Variants in BCAM observed in about 807,000 individuals in gnomAD.
The protein encoded by BCAM is basal cell adhesion molecule (Lutheran blood group), also known as basal cell adhesion molecule.
A neutral mutation model predicts 72.4 loss-of-function variants in BCAM; 61 were observed. The ratio of observed to expected loss-of-function variants is 0.84; its 90% confidence interval spans 0.69 to 1.04. The LOEUF (loss-of-function observed/expected upper bound fraction) is 1.04. BCAM is among the 50% of genes least tolerant of loss of function. The pLI is 0.00. For synonymous variants in BCAM, 408 were observed against 384.2 expected (o/e 1.06, Z -0.73); for missense variants, 909 against 895.0 (o/e 1.02, Z -0.20).
chr19:44,816,227 T>C (rs545798188), intron 8 of BCAM, among the ~76,000 whole-genome samples: 12 of 151,788 alleles, frequency 7.9e-5, no homozygotes, highest in African/African-American at 2.9e-4. Context: ...GGAGAATCGC[T>C]TGAACCCAGG....
In BCAM at chr19:44,814,813, C is replaced by T. The variant is rs139012083; in HGVS notation, c.1078+53C>T. ...AGGAGGGGCCCTGGCATCAGTGCCT[C>T]TGCGCCCTCCTCCCTACAGCCCTGA... On this transcript the variant is annotated intron_variant, in intron 8 of 14. Coordinates refer to ENST00000270233, the MANE Select transcript of BCAM (RefSeq NM_005581.5). The surrounding 1 kb of genome is among the most constrained non-coding windows in gnomAD (Gnocchi z 4.6). 6.4e-7 allele frequency: 1 copy of T among 1,552,382 alleles called. No homozygotes were observed. The highest frequency in any genetic ancestry group is 8.7e-7 in the Non-Finnish European group (1 of 1,149,668).
intron 13 of BCAM, 147 bp downstream of exon 13, chr19:44,819,873 C>T: frequency 7.1e-7 from 1 of 1,417,340 alleles, no homozygotes; most frequent in Non-Finnish European, 9.2e-7. Flanking sequence ...ATCCTCATCC[C>T]CAACTACAGC....
chr19:44,819,257 C>T lies in BCAM; in HGVS notation c.1473+65C>T, dbSNP rs1968545563. On this transcript the variant is annotated intron_variant, in intron 11 of 14. Coordinates refer to ENST00000270233, the MANE Select transcript of BCAM (RefSeq NM_005581.5). ...CATCCAAGTATCACACCCTCCTTTC[C>T]ACTTCCTGGGAGACTGGACGTCGTT... 7 of 1,610,686 alleles carry T rather than the reference C, an allele frequency of 4.3e-6. No homozygotes were observed. In the Admixed American group the frequency reaches 8.3e-5, roughly 19 times the overall value.
intron 8 of BCAM, among the ~76,000 whole-genome samples, chr19:44,816,643 G>A (rs1341581435): frequency 6.6e-6 from 1 of 152,050 alleles, no homozygotes; most frequent in Non-Finnish European, 1.5e-5. Flanking sequence ...GTGAGACTCA[G>A]AAAAGCAGAC....
intron 13 of BCAM, 88 bp from the exon 14 acceptor site, chr19:44,820,617 C>T: frequency 1.5e-6 from 2 of 1,346,678 alleles, no homozygotes; most frequent in Non-Finnish European, 1.9e-6. Context: ...CAGCCGCATC[C>T]TAGTCCCACC....
intron 13 of BCAM, chr19:44,820,372 T>A (rs1296716114): frequency 5.4e-5 from 59 of 1,087,048 alleles, no homozygotes; most frequent in Non-Finnish European, 6.3e-5. Flanking sequence ...CCCCTAAGCC[T>A]CCCCAAGCTC....
intron 13 of BCAM, chr19:44,820,040 C>T: frequency 8.0e-7 from 1 of 1,247,514 alleles, no homozygotes; most frequent in South Asian, 2.7e-5. Flanking sequence ...CCTAGCTCAG[C>T]CTCATCCCCA....
Position 44,820,797 on chromosome 19 carries a change from G to C in BCAM, c.1856G>C (p.Gly619Ala), listed in dbSNP as rs752711408. ...GGAGGTGCCTCCGGAGGAGCCAGGG[G>C]TGGCAGCGGGGGCTTCGGAGACGAG... ...LMGGASGGARGGSGGFGDEC is the reference protein window; with the variant it reads ...LMGGASGGARAGSGGFGDEC Residue 619 changes from glycine (G) to alanine (A), a missense_variant, in exon 14 of 15, where the codon GGT becomes GCT. Coordinates refer to ENST00000270233, the MANE Select transcript of BCAM (RefSeq NM_005581.5). 1.3e-6 allele frequency: 2 copies of C among 1,511,250 alleles called. No individual in the cohort carries two copies. The highest frequency in any genetic ancestry group is 4.4e-5 in the Admixed American group (2 of 45,172). 93.6% of individuals were successfully genotyped at this position (1,511,250 alleles called of 1,614,324 possible). A position where few individuals can be genotyped will look rare whatever the true frequency, so the allele number is the denominator to read the frequency against.
Position 44,821,028 on chromosome 19 carries a change from C to T in BCAM, c.*107C>T, listed in dbSNP as rs1162871211. 1.5e-6 allele frequency: 2 copies of T among 1,349,226 alleles called. No individual in the cohort carries two copies. Among genetic ancestry groups the T allele is most frequent in the Non-Finnish European group, 1.9e-6 (2 of 1,031,466 alleles). 83.6% of individuals were successfully genotyped at this position (1,349,226 alleles called of 1,614,324 possible). A position where few individuals can be genotyped will look rare whatever the true frequency, so the allele number is the denominator to read the frequency against. On this transcript the variant is annotated 3_prime_UTR_variant, in exon 15 of 15. Transcript: ENST00000270233. ...CCGCCTTCCCTCTTCCCTCTTCCCT[C>T]TCCCTGCCCAGCCCTCCCTTCCTTC... is the stretch of plus-strand genomic sequence containing the variant.
rs1463480550 is a variant in BCAM, at chr19:44,812,184, C to T, written c.226C>T (p.Pro76Ser). The T allele has an allele frequency of 6.2e-7, 1 of 1,601,828 alleles. No individual in the cohort carries two copies. The change falls in exon 3 of 15, where the codon CCC becomes TCC. Residue 76 changes from proline (P) to serine (S), a missense_variant. Pro to Ser is a moderately conservative substitution (Grantham distance 74, BLOSUM62 -1). Coordinates refer to ENST00000270233, the MANE Select transcript of BCAM (RefSeq NM_005581.5). The surrounding 1 kb of genome is among the most constrained non-coding windows in gnomAD (Gnocchi z 5.3). ...ACAGACCGACCGCTCGGGAGCTCGC[C>T]CCCGCCTAGCCTCGGCTGAGATGCA... ...WFLTDRSGAR[P>S]RLASAEMQGS...
chr19:44,819,872 C>G, intron 13 of BCAM, 146 bp downstream of exon 13: 1 of 1,417,424 alleles, frequency 7.1e-7, no homozygotes, highest in East Asian at 2.5e-5. Context: ...CATCCTCATC[C>G]CCAACTACAG....
In BCAM at chr19:44,820,996, C is replaced by G; in HGVS notation, c.*75C>G. ...GAGAACCAGCCCTGCTCACGCCATGCCCGCCCCCGCCTTCCCTCTTCCCTC... is the reference window on the plus strand; with the variant it reads ...GAGAACCAGCCCTGCTCACGCCATGGCCGCCCCCGCCTTCCCTCTTCCCTC... On this transcript the variant is annotated 3_prime_UTR_variant, in exon 15 of 15. Coordinates refer to ENST00000270233, the MANE Select transcript of BCAM (RefSeq NM_005581.5). 1 of 1,447,152 alleles carries G rather than the reference C, an allele frequency of 6.9e-7. No homozygotes were observed. The allele number at this position is 1,447,152 out of a possible 1,614,324, so 89.6% of individuals were successfully genotyped here.
chr19:44,820,584 A>C (rs950451411), intron 13 of BCAM, 121 bp from the exon 14 acceptor site: 5 of 1,214,432 alleles, frequency 4.1e-6, no homozygotes, highest in Non-Finnish European at 4.1e-6. Flanking sequence ...CACCCAGCAC[A>C]CCCCCATCCT....
At position 44,814,379 on chromosome 19, in the gene BCAM, G is replaced by C; in HGVS notation, c.921+91G>C. ...TGCATAACTTCTAATGTGGGACCTG[G>C]GAGTCCCCATGGCTTAGGCAGCCAC... On this transcript the variant is annotated intron_variant, in intron 7 of 14. Transcript: ENST00000270233. This position sits in a 1 kb window ranked among gnomAD's most constrained non-coding sequence, Gnocchi z 4.6. 1 of 1,504,126 alleles carries C rather than the reference G, an allele frequency of 6.6e-7. No homozygotes were observed. The highest frequency in any genetic ancestry group is 2.3e-5 in the East Asian group (1 of 43,384). The allele number at this position is 1,504,126 out of a possible 1,614,324, so 93.2% of individuals were successfully genotyped here. A position where few individuals can be genotyped will look rare whatever the true frequency, so the allele number is the denominator to read the frequency against.
Position 44,818,763 on chromosome 19 carries a change from G to A in BCAM, c.1217G>A (p.Gly406Asp). Reference protein sequence around the residue: ...WTKDSTPLGDGPMLSLSSITF... With the variant: ...WTKDSTPLGDDPMLSLSSITF... ...CAGGACTCCACTCCCCTGGGCGATG[G>A]CCCCATGCTGTCGCTCAGTTCTATC... Residue 406 changes from glycine to aspartate, a missense_variant, in exon 10 of 15, where the codon GGC (glycine) becomes GAC (aspartate). Gly to Asp is a moderately conservative substitution (Grantham distance 94). Transcript: ENST00000270233. The surrounding 1 kb of genome is among the most constrained non-coding windows in gnomAD (Gnocchi z 4.6). 3.1e-6 allele frequency: 5 copies of A among 1,614,024 alleles called. No homozygotes were observed. Among genetic ancestry groups the A allele is most frequent in the Non-Finnish European group, 4.2e-6 (5 of 1,179,988 alleles).
Position 44,814,075 on chromosome 19 carries a change from A to C in BCAM, c.785-77A>C, listed in dbSNP as rs1968468581. 11 of 1,484,064 alleles carry C rather than the reference A, an allele frequency of 7.4e-6. No homozygotes were observed. The highest frequency in any genetic ancestry group is 2.7e-5 in the South Asian group (2 of 72,766). The allele number at this position is 1,484,064 out of a possible 1,614,324, so 91.9% of individuals were successfully genotyped here. A position where few individuals can be genotyped will look rare whatever the true frequency, so the allele number is the denominator to read the frequency against. On this transcript the variant is annotated intron_variant, in intron 6 of 14. Coordinates refer to ENST00000270233, the MANE Select transcript of BCAM (RefSeq NM_005581.5). The surrounding 1 kb of genome is among the most constrained non-coding windows in gnomAD (Gnocchi z 4.6). ...CCGCCATAGCCCTCACCTGGGATGCAGGGCTGACCTCTCGCCTGTCCTCTA... is the reference window on the plus strand; with the variant it reads ...CCGCCATAGCCCTCACCTGGGATGCCGGGCTGACCTCTCGCCTGTCCTCTA...
At position 44,809,186 on chromosome 19, in the gene BCAM, T is replaced by C; in HGVS notation, c.62T>C (p.Val21Ala). 6.8e-7 allele frequency: 1 copy of C among 1,475,470 alleles called. No homozygotes were observed. The highest frequency in any genetic ancestry group is 9.0e-7 in the Non-Finnish European group (1 of 1,115,024). The allele number at this position is 1,475,470 out of a possible 1,614,324, so 91.4% of individuals were successfully genotyped here. Residue 21 changes from valine to alanine, a missense_variant, in exon 1 of 15, where the codon GTC (valine) becomes GCC (alanine). Transcript: ENST00000270233. Reference protein sequence around the residue: ...RGAPRLLLLAVLLAAHPDAQA... With the variant: ...RGAPRLLLLAALLAAHPDAQA... ...GCCCCGCGGCTGCTGTTGCTCGCAG[T>C]CCTGCTGGCGGCGCACCCAGGTATG...
At position 44,812,603 on chromosome 19, in the gene BCAM, C is replaced by T. The variant is rs1968441019; in HGVS notation, c.504+55C>T. 1 of 1,597,220 alleles carries T rather than the reference C, an allele frequency of 6.3e-7. No individual in the cohort carries two copies. Among genetic ancestry groups the T allele is most frequent in the African/African-American group, 1.3e-5 (1 of 74,412 alleles). On this transcript the variant is annotated intron_variant, in intron 4 of 14. Coordinates refer to ENST00000270233, the MANE Select transcript of BCAM (RefSeq NM_005581.5). The surrounding 1 kb of genome is among the most constrained non-coding windows in gnomAD (Gnocchi z 5.3). ...GTCCTGGAGGAGGAGGGGACAGGGC[C>T]CTGGACTCCTGGGTCTGAGGGAGGA...
intron 2 of BCAM, chr19:44,811,584 G>T: frequency 1.9e-6 from 1 of 534,456 alleles, no homozygotes. Flanking sequence ...AGAGAACAGA[G>T]ACAGACATCA....
Sources: allele counts gnomAD v4.1 joint callset (sites outside exome capture counted in the v4.1 genomes callset), GRCh38; gene constraint gnomAD v4.1.1; non-coding constraint Gnocchi (gnomAD v3.1); transcripts MANE v1.5; gene names NCBI Gene and HGNC (gene_info 2026-07-23, HGNC 2026-07-21).